Variants in TMEM178B observed in about 807,000 individuals in gnomAD.
TMEM178B encodes transmembrane protein 178B.
TMEM178B carries 5 observed loss-of-function variants against 31.0 expected under a neutral mutation model. The observed-to-expected ratio is 0.16, with a 90% CI of 0.08 to 0.34. TMEM178B has a LOEUF of 0.34. Ranked by LOEUF, TMEM178B falls within the 10% of genes least tolerant of loss-of-function variation. The pLI, the probability that TMEM178B is intolerant of heterozygous loss-of-function variation, is 1.00. For synonymous variants in TMEM178B, 164 were observed against 164.0 expected, an observed-to-expected ratio of 1.00 and a Z score of 0.00; for missense variants, 275 against 400.3, an observed-to-expected ratio of 0.69 and a Z score of 2.67.
chr7:141,199,047 AAGC>A (rs1304124511), intron 1 of TMEM178B, among the ~76,000 whole-genome samples: 2 of 152,166 alleles, frequency 1.3e-5, no homozygotes, highest in Non-Finnish European at 1.5e-5. Flanking sequence ...AGTGGGGAAA[AAGC>A]AGCCAAAAAC....
chr7:141,373,353 C>G (rs563511348), intron 2 of TMEM178B, among the ~76,000 whole-genome samples: 19 of 152,302 alleles, frequency 1.2e-4, no homozygotes, highest in Admixed American at 1.0e-3. Context: ...ACAACAACAA[C>G]AAATCCTGAG....
intron 1 of TMEM178B, among the ~76,000 whole-genome samples, chr7:141,190,564 G>A (rs1340548621): frequency 6.6e-6 from 1 of 152,062 alleles, no homozygotes; most frequent in Non-Finnish European, 1.5e-5. Context: ...TCCCACCTCG[G>A]CCTCTCAAGG....
chr7:141,374,061 G>C (rs1800167394), intron 2 of TMEM178B, among the ~76,000 whole-genome samples: 1 of 152,120 alleles, frequency 6.6e-6, no homozygotes, highest in African/African-American at 2.4e-5. Context: ...AGAAAGCTTA[G>C]ATCCACCCTG....
chr7:141,097,721 C>T (rs1339441215), intron 1 of TMEM178B, among the ~76,000 whole-genome samples: 1 of 151,804 alleles, frequency 6.6e-6, no homozygotes, highest in Non-Finnish European at 1.5e-5. Flanking sequence ...ATATAACTTA[C>T]TCATCATATA....
intron 2 of TMEM178B, among the ~76,000 whole-genome samples, chr7:141,291,052 C>G (rs1037652548): frequency 6.6e-6 from 1 of 152,186 alleles, no homozygotes; most frequent in Non-Finnish European, 1.5e-5. Context: ...GTAAAATTGT[C>G]AGCAGGACAA....
chr7:141,097,605 C>A lies in TMEM178B; in HGVS notation c.382+22913C>A, dbSNP rs766025778. On this transcript the variant is annotated intron_variant, in intron 1 of 3. Transcript: ENST00000565468. ...CCTTGACCCATTTTGGCCAATAGAG[C>A]GATACGGGGTCTGTCCATGGTCCTG... Among the ~76,000 whole-genome samples the A allele has an allele frequency of 9.3e-4, 142 of 151,884 alleles. 1 individual carries two copies. Among genetic ancestry groups the A allele is most frequent in the Non-Finnish European group, 1.7e-3 (114 of 67,944 alleles).
chr7:141,140,563 A>G (rs1280912395), intron 1 of TMEM178B, among the ~76,000 whole-genome samples: 2 of 152,172 alleles, frequency 1.3e-5, no homozygotes, highest in Non-Finnish European at 2.9e-5. Flanking sequence ...GCAAGTTCAT[A>G]GTTTATTCAG....
chr7:141,468,863 A>T (rs1802191371), intron 3 of TMEM178B, among the ~76,000 whole-genome samples: 1 of 152,278 alleles, frequency 6.6e-6, no homozygotes, highest in Non-Finnish European at 1.5e-5. Flanking sequence ...GACCGGCTTG[A>T]GGTGGCGGCG....
intron 2 of TMEM178B, among the ~76,000 whole-genome samples, chr7:141,392,616 G>T (rs1303571846): frequency 1.3e-5 from 2 of 152,044 alleles, no homozygotes; most frequent in African/African-American, 4.8e-5. Flanking sequence ...ATTTTTTAAT[G>T]TGCACAAATG....
At chr7:141,235,453 C>T (rs555936432) in intron 2 of TMEM178B, among the ~76,000 whole-genome samples, 3 of 152,178 alleles carry the variant, frequency 2.0e-5, no homozygotes, top group South Asian at 2.1e-4. Flanking sequence ...AATTTATAAC[C>T]GTCAATAAAA....
At chr7:141,198,011 A>G (rs1422682485) in intron 1 of TMEM178B, among the ~76,000 whole-genome samples, 5 of 151,976 alleles carry the variant, frequency 3.3e-5, no homozygotes, top group Non-Finnish European at 7.4e-5. Flanking sequence ...GTGTTTCTCA[A>G]GTACAACTCA....
intron 3 of TMEM178B, among the ~76,000 whole-genome samples, chr7:141,443,387 G>A (rs1043886181): frequency 6.6e-6 from 1 of 152,094 alleles, no homozygotes; most frequent in Non-Finnish European, 1.5e-5. Flanking sequence ...CGTCATTCTC[G>A]AGTCTGCATA....
At chr7:141,107,466 C>T (rs753546066) in intron 1 of TMEM178B, among the ~76,000 whole-genome samples, 14 of 151,856 alleles carry the variant, frequency 9.2e-5, no homozygotes, top group African/African-American at 1.7e-4. Context: ...GGCAGTGGAG[C>T]GGGTGAGAAG....
chr7:141,421,555 C>T (rs963011507), intron 2 of TMEM178B, among the ~76,000 whole-genome samples: 12 of 152,184 alleles, frequency 7.9e-5, no homozygotes, highest in African/African-American at 2.4e-4. Flanking sequence ...CCAAGATTCT[C>T]ACCCTAGTTC....
chr7:141,286,722 A>G (rs1178340662), intron 2 of TMEM178B, among the ~76,000 whole-genome samples: 1 of 152,216 alleles, frequency 6.6e-6, no homozygotes, highest in East Asian at 1.9e-4. Flanking sequence ...CTGAGCCAGC[A>G]CTAGAAAGAA....
chr7:141,114,043 C>A (rs117605538), intron 1 of TMEM178B, among the ~76,000 whole-genome samples: 3,078 of 152,274 alleles, frequency 0.02, 56 homozygotes, highest in Non-Finnish European at 0.028. Context: ...AAAGAGGAAG[C>A]CTTGAGATTT....
chr7:141,389,084 T>C (rs544908509), intron 2 of TMEM178B, among the ~76,000 whole-genome samples: 3 of 152,276 alleles, frequency 2.0e-5, no homozygotes, highest in African/African-American at 4.8e-5. Flanking sequence ...CTGGGCCTTT[T>C]TGGGTTTCTT....
At chr7:141,370,357 GGCTGA>G (rs1800093819) in intron 2 of TMEM178B, among the ~76,000 whole-genome samples, 1 of 152,162 alleles carries the variant, frequency 6.6e-6, no homozygotes, top group African/African-American at 2.4e-5. Flanking sequence ...GACAGGGCTG[GGCTGA>G]GCTACTCTTC....
intron 3 of TMEM178B, among the ~76,000 whole-genome samples, chr7:141,459,645 G>A (rs1802028386): frequency 6.6e-6 from 1 of 152,262 alleles, no homozygotes; most frequent in African/African-American, 2.4e-5. Flanking sequence ...TTCAAAGACT[G>A]TGTAGACTGC....
Sources: allele counts gnomAD v4.1 joint callset (sites outside exome capture counted in the v4.1 genomes callset), GRCh38; gene constraint gnomAD v4.1.1; transcripts MANE v1.5; gene names NCBI Gene and HGNC (gene_info 2026-07-23, HGNC 2026-07-21).